The following PPIE variants were observed in gnomAD, a reference collection of about 807,000 sequenced individuals.
The protein encoded by PPIE is peptidylprolyl isomerase E.
Under a neutral mutation model 38.4 loss-of-function variants are expected in PPIE, and 20 were observed. That is an observed-to-expected ratio of 0.52 (90% CI 0.37 to 0.76). The LOEUF is 0.76. Among genes scored for constraint, PPIE ranks in the 30% least tolerant of loss-of-function variants. PPIE has a pLI of 0.00. For synonymous variants in PPIE, 142 were observed against 135.7 expected (o/e 1.05, Z -0.32); for missense variants, 322 against 385.8 (o/e 0.83, Z 1.39).
Position 39,745,358 on chromosome 1 carries a change from A to G in PPIE, c.385-17A>G, listed in dbSNP as rs369497721. 34 of 1,613,748 alleles carry G rather than the reference A, an allele frequency of 2.1e-5. No homozygotes were observed. Among genetic ancestry groups the G allele is most frequent in the African/African-American group, 4.0e-5 (3 of 74,872 alleles). On this transcript the variant is annotated splice_polypyrimidine_tract_variant and intron_variant, in intron 6 of 9. Transcript: ENST00000324379. Reference sequence around the variant, plus strand: ...GTCAGGGAGCTCTCTCTAACTAGCAATTTCTTCTGCACCTAGGGAGAGCCC... The same window carrying G: ...GTCAGGGAGCTCTCTCTAACTAGCAGTTTCTTCTGCACCTAGGGAGAGCCC...
rs139665607 is a variant in PPIE at position 39,742,100 on chromosome 1, C to T, written c.201+179C>T. The T allele has an allele frequency of 2.5e-4, 157 of 618,248 alleles. No individual in the cohort carries two copies. In the African/African-American group the frequency reaches 2.8e-3, roughly 11 times the overall value. The allele number at this position is 618,248 out of a possible 1,614,324, so 38.3% of individuals were successfully genotyped here. A position where few individuals can be genotyped will look rare whatever the true frequency, so the allele number is the denominator to read the frequency against. On this transcript the variant is annotated intron_variant, in intron 4 of 9. Coordinates refer to ENST00000324379, the MANE Select transcript of PPIE (RefSeq NM_006112.4). ...TATAAAATTAGTTCTTACTCAGACTCCTTCGCCATTTCAGAATAATGTAAG... is the reference window on the plus strand; with the variant it reads ...TATAAAATTAGTTCTTACTCAGACTTCTTCGCCATTTCAGAATAATGTAAG...
chr1:39,761,831 GGTT>G (rs1229958385), intron 9 of PPIE, among the ~76,000 whole-genome samples: 4 of 152,162 alleles, frequency 2.6e-5, no homozygotes, highest in African/African-American at 4.8e-5. Flanking sequence ...TCACCTCCAC[GGTT>G]GTTTTGCTTT....
chr1:39,760,573 C>A, downstream of PPIE: 1 of 1,613,026 alleles, frequency 6.2e-7, no homozygotes. Context: ...GTGCACCTGG[C>A]CAGGAAGAGG....
chr1:39,740,703 C>T (rs770875341), intron 2 of PPIE, among the ~76,000 whole-genome samples: 5 of 152,138 alleles, frequency 3.3e-5, no homozygotes, highest in Non-Finnish European at 5.9e-5. Flanking sequence ...GGTTTCCCAT[C>T]GATTGGTATC....
intron 6 of PPIE, among the ~76,000 whole-genome samples, 163 bp from the exon 7 acceptor site, chr1:39,745,212 G>GCTCCTGC (rs982884524): frequency 6.6e-6 from 1 of 152,214 alleles, no homozygotes; most frequent in African/African-American, 2.4e-5. Context: ...TACGGCCATG[G>GCTCCTGC]CTCCTGCCTC....
At chr1:39,742,167 A>G (rs1647074016) in intron 4 of PPIE, 1 of 477,516 alleles carries the variant, frequency 2.1e-6, no homozygotes, top group African/African-American at 2.0e-5. Flanking sequence ...TGGCTCTCCC[A>G]TGTTTAGGAT....
rs1648061407 is a variant in PPIE at position 39,754,409 on chromosome 1, CTG to C, written c.*1055_*1056del. The stretch of plus-strand genomic sequence containing the variant: ...GCAGGCTGGAGACTCAGGAAAAAAA[CTG>C]ATGTTGCAGTTCAGCTCTGAGGCAG... On this transcript the variant is annotated 3_prime_UTR_variant, in exon 10 of 10. Coordinates refer to ENST00000324379, the MANE Select transcript of PPIE (RefSeq NM_006112.4). Among the ~76,000 whole-genome samples the C allele has an allele frequency of 6.6e-6, 1 of 152,190 alleles. No homozygotes were observed. Among genetic ancestry groups the C allele is most frequent in the Admixed American group, 6.5e-5 (1 of 15,282 alleles).
At chr1:39,761,651 G>A (rs1016426706), downstream of PPIE, among the ~76,000 whole-genome samples, 2 of 152,036 alleles carry the variant, frequency 1.3e-5, no homozygotes, top group Non-Finnish European at 2.9e-5. Flanking sequence ...CCTTCTCCCT[G>A]CTGGCCCTGA....
intron 6 of PPIE, among the ~76,000 whole-genome samples, chr1:39,744,282 G>A (rs1296667223): frequency 1.3e-5 from 2 of 152,094 alleles, no homozygotes; most frequent in African/African-American, 2.4e-5. Flanking sequence ...TTGCCACAAG[G>A]GTCGTGGTCT....
chr1:39,741,956 C>T, intron 4 of PPIE, 35 bp downstream of exon 4: 9 of 1,613,280 alleles, frequency 5.6e-6, no homozygotes, highest in Non-Finnish European at 7.6e-6. Flanking sequence ...ACTAAAGTTG[C>T]TTTTTGGTGG....
downstream of PPIE, chr1:39,759,635 CA>C (rs1369275256): frequency 6.6e-6 from 1 of 152,262 alleles, no homozygotes; most frequent in Admixed American, 6.5e-5. Flanking sequence ...GAAAACTCCA[CA>C]GAGCTGAGCT....
rs1472811462 is a variant in PPIE, at chr1:39,753,011, G to A, written c.796G>A (p.Gly266Arg). 3 of 1,614,136 alleles carry A rather than the reference G, an allele frequency of 1.9e-6. No individual in the cohort carries two copies. The highest frequency in any genetic ancestry group is 2.5e-6 in the Non-Finnish European group (3 of 1,180,054). ...GCTGGATGGCAAGCATGTGGTGTTT[G>A]GAGAGGTCACCGAAGGCCTAGATGT... ...DWLDGKHVVF[G>R]EVTEGLDVLR... The change falls in exon 9 of 10, where the codon GGA becomes AGA. Residue 266 changes from glycine (G) to arginine (R), a missense_variant. Physicochemically the swap from Gly to Arg is moderately radical, Grantham distance 125 (BLOSUM62 -2). Coordinates refer to ENST00000324379, the MANE Select transcript of PPIE (RefSeq NM_006112.4).
At position 39,738,944 on chromosome 1, in the gene PPIE, G is replaced by T. The variant is rs764436237; in HGVS notation, c.31+13G>T. On this transcript the variant is annotated intron_variant, in intron 1 of 9. Transcript: ENST00000324379. Reference sequence around the variant, plus strand: ...GTCTTGTACGTGGGTGAGCAGGAGGGGTTGCTAGGCGGAGTCTGAGTGAAC... The same window carrying T: ...GTCTTGTACGTGGGTGAGCAGGAGGTGTTGCTAGGCGGAGTCTGAGTGAAC... The T allele has an allele frequency of 3.4e-6, 5 of 1,472,454 alleles. No individual in the cohort carries two copies. Among genetic ancestry groups the T allele is most frequent in the Non-Finnish European group, 4.5e-6 (5 of 1,110,126 alleles). The allele number at this position is 1,472,454 out of a possible 1,614,324, so 91.2% of individuals were successfully genotyped here.
At chr1:39,758,334 A>G (rs1648513560), downstream of PPIE, 3 of 152,242 alleles carry the variant, frequency 2.0e-5, no homozygotes, top group Admixed American at 2.0e-4. Flanking sequence ...AGGTTCAAGC[A>G]ATTCTGCCTC....
intron 9 of PPIE, 24 bp downstream of exon 9, chr1:39,753,076 C>T (rs1647912566): frequency 6.2e-7 from 1 of 1,613,586 alleles, no homozygotes; most frequent in Non-Finnish European, 8.5e-7. Flanking sequence ...AATGGGCCTC[C>T]TCCTTACCCA....
intron 1 of PPIE, among the ~76,000 whole-genome samples, chr1:39,739,895 T>C (rs1197604734): frequency 1.3e-5 from 2 of 152,136 alleles, no homozygotes; most frequent in Non-Finnish European, 2.9e-5. Context: ...ATCATTCTAG[T>C]TGGCTTTGTG....
At chr1:39,757,130 T>TGTGTAG (rs1208053151), downstream of PPIE, 1 of 152,250 alleles carries the variant, frequency 6.6e-6, no homozygotes, top group East Asian at 1.9e-4. Flanking sequence ...AGGGATGCCA[T>TGTGTAG]GTGTAGATGG....
In PPIE at chr1:39,745,313, C is replaced by G. The variant is rs997913778; in HGVS notation, c.385-62C>G. On this transcript the variant is annotated intron_variant, in intron 6 of 9. Transcript: ENST00000324379. ...GTGTTCTGGGTGGGTGTGTAGAATA[C>G]TCGCACTCCTACTTAGGGCGTCAGG... 17 of 1,605,710 alleles carry G rather than the reference C, an allele frequency of 1.1e-5. No individual in the cohort carries two copies. In the African/African-American group the frequency reaches 2.1e-4, roughly 20 times the overall value.
chr1:39,762,901 C>G (rs559335189), intron 9 of PPIE, among the ~76,000 whole-genome samples: 1 of 152,340 alleles, frequency 6.6e-6, no homozygotes, highest in South Asian at 2.1e-4. Context: ...TGCGAGTCTA[C>G]GTGTAGTGTG....
Sources: gnomAD v4.1 joint callset for allele counts (sites outside exome capture counted in the v4.1 genomes callset) on GRCh38, gnomAD v4.1.1 for gene constraint, MANE v1.5 for transcripts, NCBI Gene and HGNC (gene_info 2026-07-23, HGNC 2026-07-21) for gene names.